Variants in SLC24A3 observed in about 807,000 individuals in gnomAD.
SLC24A3 encodes the protein solute carrier family 24 member 3, also known as sodium/potassium/calcium exchanger 3.
In SLC24A3, 28 loss-of-function variants were observed where a neutral mutation model predicts 75.8. The ratio of observed to expected loss-of-function variants is 0.37; its 90% confidence interval spans 0.27 to 0.51. The LOEUF is 0.51. Ranked by LOEUF, SLC24A3 falls within the 20% of genes least tolerant of loss-of-function variation. The pLI, the probability that SLC24A3 is intolerant of heterozygous loss-of-function variation, is 0.94. For synonymous variants in SLC24A3, 372 were observed against 334.1 expected (o/e 1.11, Z -1.24); for missense variants, 663 against 847.8 (o/e 0.78, Z 2.71).
At chr20:19,215,992 G>A (rs1392359224) in intron 1 of SLC24A3, among the ~76,000 whole-genome samples, 3 of 152,122 alleles carry the variant, frequency 2.0e-5, no homozygotes, top group Non-Finnish European at 4.4e-5. Context: ...AATTTTGGTG[G>A]GCTCTTATGT....
rs144125974 is a variant in SLC24A3 at position 19,647,981 on chromosome 20, A to T, written c.613-6081A>T. 2.0e-4 allele frequency among the ~76,000 whole-genome samples: 30 copies of T among 152,390 alleles called. No individual in the cohort carries two copies. The East Asian group carries it at 3.7e-3, about 19-fold the overall frequency. On this transcript the variant is annotated intron_variant, in intron 6 of 16. Transcript: ENST00000328041. ...CTGGTTGGGAAGATTAATAAGCAGC[A>T]GTTCACTGTATTTTGCAAAAGCGTG...
chr20:19,480,043 C>T (rs779616845), intron 2 of SLC24A3, among the ~76,000 whole-genome samples: 16 of 152,176 alleles, frequency 1.1e-4, no homozygotes, highest in Non-Finnish European at 1.8e-4. Context: ...TTGCAAAATC[C>T]AGGAAATGCA....
chr20:19,274,807 A>G (rs770829092), intron 1 of SLC24A3, among the ~76,000 whole-genome samples: 1 of 152,198 alleles, frequency 6.6e-6, no homozygotes, highest in African/African-American at 2.4e-5. Context: ...CTGCGGGCTT[A>G]TGCAAACCTG....
chr20:19,484,958 G>C (rs1031932187), intron 2 of SLC24A3, among the ~76,000 whole-genome samples: 1 of 152,096 alleles, frequency 6.6e-6, no homozygotes, highest in African/African-American at 2.4e-5. Flanking sequence ...GTGCAAATTA[G>C]TGCTACCCTG....
intron 1 of SLC24A3, among the ~76,000 whole-genome samples, chr20:19,246,678 A>T (rs557532618): frequency 1.2e-4 from 19 of 152,334 alleles, no homozygotes; most frequent in Admixed American, 8.5e-4. Flanking sequence ...TCTCATGAAC[A>T]GATAAAAAAG....
At chr20:19,615,739 A>T (rs374688095) in intron 6 of SLC24A3, among the ~76,000 whole-genome samples, 149 of 152,156 alleles carry the variant, frequency 9.8e-4, no homozygotes, top group African/African-American at 3.2e-3. Context: ...TTCTTCCCAC[A>T]CTGGACCCTT....
chr20:19,628,583 G>C (rs1220577058), intron 6 of SLC24A3, among the ~76,000 whole-genome samples: 5 of 152,128 alleles, frequency 3.3e-5, no homozygotes, highest in Non-Finnish European at 5.9e-5. Context: ...CTGGATTTTG[G>C]GGGTGCTTCT....
intron 12 of SLC24A3, 128 bp from the exon 13 acceptor site, chr20:19,693,131 A>T: frequency 1.0e-6 from 1 of 971,164 alleles, no homozygotes; most frequent in Non-Finnish European, 1.4e-6. Context: ...TTTTAGAAAA[A>T]GAGCAATATA....
intron 1 of SLC24A3, among the ~76,000 whole-genome samples, chr20:19,217,510 G>A (rs2122127227): frequency 6.6e-6 from 1 of 152,256 alleles, no homozygotes; most frequent in Middle Eastern, 3.4e-3. Context: ...AAATATTGCT[G>A]CTTATTTTAG....
chr20:19,692,174 CCTT>C (rs1439812304), intron 12 of SLC24A3, among the ~76,000 whole-genome samples: 1 of 152,160 alleles, frequency 6.6e-6, no homozygotes, highest in South Asian at 2.1e-4. Flanking sequence ...AAAAATTCCT[CCTT>C]AACTCTGGTG....
Position 19,558,358 on chromosome 20 carries a change from G to A in SLC24A3, c.349-21642G>A, listed in dbSNP as rs113323590. Among the ~76,000 whole-genome samples, 6 of 152,180 alleles carry A rather than the reference G, an allele frequency of 3.9e-5. 1 individual carries two copies. The highest frequency in any genetic ancestry group is 5.9e-5 in the Non-Finnish European group (4 of 68,000). ...AGATATACAGAAAAGCTGCAAAATA[G>A]CACAGAGAATTCTCTTATACCATTC... On this transcript the variant is annotated intron_variant, in intron 3 of 16. Coordinates refer to ENST00000328041, the MANE Select transcript of SLC24A3 (RefSeq NM_020689.4).
intron 2 of SLC24A3, among the ~76,000 whole-genome samples, chr20:19,451,095 A>G (rs1987472642): frequency 6.6e-6 from 1 of 152,240 alleles, no homozygotes; most frequent in African/African-American, 2.4e-5. Flanking sequence ...GGTTGTGTTC[A>G]GTTTGTGAAG....
chr20:19,693,215 G>A (rs1600343973), intron 12 of SLC24A3, 44 bp from the exon 13 acceptor site: 2 of 1,567,602 alleles, frequency 1.3e-6, no homozygotes, highest in African/African-American at 1.4e-5. Context: ...GGGGTTCTTT[G>A]TTATTTTTTT....
intron 9 of SLC24A3, among the ~76,000 whole-genome samples, chr20:19,680,371 C>G (rs973278016): frequency 2.6e-5 from 4 of 151,986 alleles, no homozygotes; most frequent in African/African-American, 9.7e-5. Context: ...AGACTATGTC[C>G]CAAGTGGTGG....
intron 6 of SLC24A3, among the ~76,000 whole-genome samples, chr20:19,632,988 G>GT (rs916689336): frequency 5.3e-5 from 8 of 152,166 alleles, no homozygotes; most frequent in Admixed American, 3.3e-4. Flanking sequence ...GAGAAAAATA[G>GT]TTTTTTTAAT....
At chr20:19,497,832 T>G (rs1988318413) in intron 2 of SLC24A3, among the ~76,000 whole-genome samples, 2 of 152,114 alleles carry the variant, frequency 1.3e-5, no homozygotes, top group Non-Finnish European at 2.9e-5. Context: ...GCTGGAGAAC[T>G]TGGCTGTTTG....
intron 2 of SLC24A3, among the ~76,000 whole-genome samples, chr20:19,359,928 G>A (rs948226992): frequency 3.9e-5 from 6 of 152,114 alleles, no homozygotes; most frequent in Non-Finnish European, 8.8e-5. Context: ...GGTGAGGAAG[G>A]TGGGGTATTT....
intron 2 of SLC24A3, among the ~76,000 whole-genome samples, chr20:19,412,622 G>A (rs1986764961): frequency 6.6e-6 from 1 of 151,816 alleles, no homozygotes; most frequent in African/African-American, 2.4e-5. Flanking sequence ...AAGAGGAGGA[G>A]GAGGAGGAGG....
chr20:19,585,190 A>G, intron 5 of SLC24A3, 135 bp downstream of exon 5: 2 of 805,158 alleles, frequency 2.5e-6, no homozygotes, highest in South Asian at 1.8e-5. Context: ...TGAGTAGAAC[A>G]TCAGCCTCCC....
Sources: allele counts gnomAD v4.1 joint callset (sites outside exome capture counted in the v4.1 genomes callset), GRCh38; gene constraint gnomAD v4.1.1; transcripts MANE v1.5; gene names NCBI Gene and HGNC (gene_info 2026-07-23, HGNC 2026-07-21).